PARD3B: variants seen among roughly 807,000 people sequenced by gnomAD.
PARD3B encodes the protein partitioning defective 3 homolog B.
PARD3B carries 103 observed loss-of-function variants against 130.2 expected under a neutral mutation model. The observed-to-expected ratio is 0.79, with a 90% confidence interval of 0.67 to 0.93. The LOEUF is 0.93. PARD3B is among the 40% of genes least tolerant of loss of function. The pLI is 0.00. For synonymous variants in PARD3B, 583 were observed against 553.2 expected, an observed-to-expected ratio of 1.05 and a Z score of -0.76; for missense variants, 1,609 against 1,499.2, an observed-to-expected ratio of 1.07 and a Z score of -1.21.
chr2:204,672,767 C>CTTG (rs2036367144), intron 1 of PARD3B, among the ~76,000 whole-genome samples: 1 of 152,122 alleles, frequency 6.6e-6, no homozygotes, highest in African/African-American at 2.4e-5. Context: ...TTTATTCTTT[C>CTTG]CCAAGCCCAG....
At chr2:205,538,927 C>T (rs2051993804) in intron 21 of PARD3B, among the ~76,000 whole-genome samples, 1 of 152,120 alleles carries the variant, frequency 6.6e-6, no homozygotes, top group South Asian at 2.1e-4. Flanking sequence ...ATTTAATGCT[C>T]ATAACAGTCA....
intron 18 of PARD3B, among the ~76,000 whole-genome samples, chr2:205,370,272 C>T (rs139413466): frequency 1.4e-4 from 21 of 152,172 alleles, no homozygotes; most frequent in African/African-American, 4.8e-4. Flanking sequence ...TTTATTTCAC[C>T]AAGTAAAAAC....
At chr2:205,344,431 G>A (rs766599663) in intron 18 of PARD3B, among the ~76,000 whole-genome samples, 2 of 152,092 alleles carry the variant, frequency 1.3e-5, no homozygotes, top group South Asian at 4.2e-4. Flanking sequence ...TGACTTCTAT[G>A]CTTCAGCCTT....
chr2:204,659,486 G>C (rs2035732930), intron 1 of PARD3B, among the ~76,000 whole-genome samples: 1 of 152,146 alleles, frequency 6.6e-6, no homozygotes, highest in Admixed American at 6.6e-5. Context: ...GTGATAGGTG[G>C]CCAAGTGGAG....
chr2:204,814,266 G>A (rs924433798), intron 2 of PARD3B, among the ~76,000 whole-genome samples: 1 of 151,590 alleles, frequency 6.6e-6, no homozygotes, highest in Non-Finnish European at 1.5e-5. Flanking sequence ...TTTCCTTACT[G>A]ACATAAAGAG....
chr2:204,773,250 G>A (rs1471458893), intron 2 of PARD3B, among the ~76,000 whole-genome samples: 1 of 151,710 alleles, frequency 6.6e-6, no homozygotes, highest in African/African-American at 2.4e-5. Flanking sequence ...ATACAGTTTA[G>A]AGTCTCTTAC....
intron 2 of PARD3B, among the ~76,000 whole-genome samples, chr2:204,814,065 A>T (rs531477703): frequency 1.3e-4 from 20 of 152,224 alleles, no homozygotes; most frequent in African/African-American, 4.6e-4. Context: ...CTTGCATCTT[A>T]ATAATGTTGA....
chr2:205,182,685 T>C (rs2035862189), intron 13 of PARD3B, among the ~76,000 whole-genome samples: 2 of 152,190 alleles, frequency 1.3e-5, no homozygotes, highest in African/African-American at 4.8e-5. Flanking sequence ...TATTAAGTAA[T>C]AGATAAACCT....
rs1036062211 is a variant in PARD3B, at chr2:204,997,048, G to A, written c.394+31725G>A. 2.0e-5 allele frequency among the ~76,000 whole-genome samples: 3 copies of A among 152,118 alleles called. 1 individual carries two copies. The highest frequency in any genetic ancestry group is 4.2e-4 in the South Asian group (2 of 4,818). On this transcript the variant is annotated intron_variant, in intron 3 of 22. Coordinates refer to ENST00000406610, the MANE Select transcript of PARD3B (RefSeq NM_001302769.2). ...GCAGAAATCACCCGTCTTCTGCGTCGCTCACGCTGGGAGCTGTAGACCGGA... is the reference window on the plus strand; with the variant it reads ...GCAGAAATCACCCGTCTTCTGCGTCACTCACGCTGGGAGCTGTAGACCGGA...
chr2:204,808,655 A>G (rs1160535313), intron 2 of PARD3B, among the ~76,000 whole-genome samples: 2 of 152,106 alleles, frequency 1.3e-5, no homozygotes, highest in Non-Finnish European at 2.9e-5. Flanking sequence ...CCCACAAAGG[A>G]CATGATCTTG....
chr2:205,499,368 CT>C (rs1367848461), intron 20 of PARD3B, among the ~76,000 whole-genome samples: 2 of 151,280 alleles, frequency 1.3e-5, no homozygotes, highest in Non-Finnish European at 2.9e-5. Flanking sequence ...TTACTGTCAC[CT>C]TTTTTACACG....
rs61167753 is a variant in PARD3B at position 205,557,748 on chromosome 2, T to C, written c.3260+4345T>C. On this transcript the variant is annotated intron_variant, in intron 22 of 22. Coordinates refer to ENST00000406610, the MANE Select transcript of PARD3B (RefSeq NM_001302769.2). ...GAAGGATTTTTTATTGTTAGCTCTT[T>C]TTTTATTTTATCTCAGGGGAAGAAA... 2.0e-5 allele frequency among the ~76,000 whole-genome samples: 3 copies of C among 152,336 alleles called. No individual in the cohort carries two copies. The East Asian group carries it at 5.8e-4, about 29-fold the overall frequency.
intron 4 of PARD3B, among the ~76,000 whole-genome samples, chr2:205,057,506 T>C (rs1198566029): frequency 6.9e-6 from 1 of 144,666 alleles, no homozygotes; most frequent in Non-Finnish European, 1.5e-5. Context: ...TATATACATA[T>C]ATGTGTATGT....
chr2:204,821,122 T>C (rs1221415027), intron 2 of PARD3B, among the ~76,000 whole-genome samples: 1 of 152,238 alleles, frequency 6.6e-6, no homozygotes, highest in African/African-American at 2.4e-5. Context: ...GTATGGTAAC[T>C]GATATGTTTT....
chr2:204,654,487 G>A (rs2035581690), intron 1 of PARD3B, among the ~76,000 whole-genome samples: 1 of 152,076 alleles, frequency 6.6e-6, no homozygotes, highest in African/African-American at 2.4e-5. Context: ...ATGGAATGTG[G>A]TGATGTTGGG....
chr2:205,579,288 A>G (rs572943254), intron 22 of PARD3B, among the ~76,000 whole-genome samples: 3 of 152,316 alleles, frequency 2.0e-5, no homozygotes, highest in Non-Finnish European at 2.9e-5. Flanking sequence ...TAAGGAAGAA[A>G]AAAGGCTATT....
At chr2:204,710,371 C>T (rs1050856696) in intron 2 of PARD3B, among the ~76,000 whole-genome samples, 8 of 152,322 alleles carry the variant, frequency 5.3e-5, no homozygotes, top group African/African-American at 1.9e-4. Flanking sequence ...CCAGAACATG[C>T]AGTGATCCCT....
intron 21 of PARD3B, among the ~76,000 whole-genome samples, chr2:205,533,467 A>G (rs2051693585): frequency 6.6e-6 from 1 of 152,226 alleles, no homozygotes; most frequent in Non-Finnish European, 1.5e-5. Context: ...TGGAAAATAA[A>G]AATCCATTTT....
chr2:205,255,880 G>C (rs984991164), intron 16 of PARD3B, among the ~76,000 whole-genome samples: 6 of 152,084 alleles, frequency 3.9e-5, no homozygotes, highest in African/African-American at 1.4e-4. Flanking sequence ...AAGTAGGTAG[G>C]ATTGATTACA....
Sources: allele counts gnomAD v4.1 joint callset (sites outside exome capture counted in the v4.1 genomes callset), GRCh38; gene constraint gnomAD v4.1.1; transcripts MANE v1.5; gene names NCBI Gene and HGNC (gene_info 2026-07-23, HGNC 2026-07-21).